MBP: variants seen among roughly 807,000 people sequenced by gnomAD.
MBP encodes the protein Golli-MBP.
Under a neutral mutation model 35.8 loss-of-function variants are expected in MBP, and 16 were observed. The observed-to-expected ratio is 0.45, with a 90% CI of 0.30 to 0.68. MBP has a LOEUF of 0.68. Ranked by LOEUF, MBP falls within the 30% of genes least tolerant of loss-of-function variation. MBP has a pLI of 0.08. For missense variants in MBP, 380 were observed against 404.7 expected, an observed-to-expected ratio of 0.94 and a Z score of 0.52; for synonymous variants, 143 against 159.6, an observed-to-expected ratio of 0.90 and a Z score of 0.78.
chr18:77,062,167 C>T (rs567291571), intron 3 of MBP, among the ~76,000 whole-genome samples: 6 of 152,334 alleles, frequency 3.9e-5, no homozygotes, highest in African/African-American at 1.2e-4. Flanking sequence ...TTGGCCACTC[C>T]TCTCCTCCCT....
At chr18:77,016,226 A>ATC in intron 4 of MBP, 2 of 985,152 alleles carry the variant, frequency 2.0e-6, no homozygotes, top group Non-Finnish European at 2.4e-6. Context: ...TCTGTATGCA[A>ATC]ATTAATGGAA....
intron 3 of MBP, among the ~76,000 whole-genome samples, chr18:77,055,100 G>A (rs141419124): frequency 5.6e-4 from 85 of 152,356 alleles, no homozygotes; most frequent in Middle Eastern, 3.4e-3. Flanking sequence ...CACGCACATC[G>A]TGGATGGAGA....
chr18:77,060,201 G>A (rs1309895667), intron 3 of MBP, among the ~76,000 whole-genome samples: 1 of 152,098 alleles, frequency 6.6e-6, no homozygotes, highest in Admixed American at 6.5e-5. Context: ...TCCACCTCCA[G>A]TATATGGCAC....
intron 3 of MBP, among the ~76,000 whole-genome samples, chr18:77,043,770 G>A (rs533957909): frequency 1.6e-3 from 242 of 152,266 alleles, no homozygotes; most frequent in Non-Finnish European, 3.0e-3. Flanking sequence ...CAGGGGAGCC[G>A]GAGTTGAGTG....
intron 1 of MBP, among the ~76,000 whole-genome samples, chr18:77,111,121 C>A (rs1357305034): frequency 6.6e-6 from 1 of 152,134 alleles, no homozygotes; most frequent in Non-Finnish European, 1.5e-5. Context: ...CAATGTTTGC[C>A]TGGGAGGAAA....
intron 4 of MBP, among the ~76,000 whole-genome samples, chr18:77,009,601 T>C (rs952221520): frequency 6.6e-5 from 10 of 152,234 alleles, no homozygotes; most frequent in African/African-American, 2.4e-4. Flanking sequence ...CCATACCCTT[T>C]GCAGAGGATT....
chr18:77,009,039 C>T (rs1276472939), intron 4 of MBP, among the ~76,000 whole-genome samples: 2 of 152,372 alleles, frequency 1.3e-5, no homozygotes, highest in Admixed American at 1.3e-4. Flanking sequence ...CAATCTTTTG[C>T]ACATTCCCAT....
rs1976044957 is a variant in MBP, at chr18:77,102,122, G to A, written c.51+3089C>T. 6.6e-6 allele frequency among the ~76,000 whole-genome samples: 1 copy of A among 152,126 alleles called. No individual in the cohort carries two copies. The highest frequency in any genetic ancestry group is 2.1e-4 in the South Asian group (1 of 4,828). ...ACAGCAGAGGAAAGAATCATCTAGTGTGGGTGGGGAGAGGTGGAGAAGGTG... is the reference window on the plus strand; with the variant it reads ...ACAGCAGAGGAAAGAATCATCTAGTATGGGTGGGGAGAGGTGGAGAAGGTG... On this transcript the variant is annotated intron_variant, in intron 2 of 8. Transcript: ENST00000355994. This position sits in a 1 kb window ranked among gnomAD's most constrained non-coding sequence, Gnocchi z 4.4.
rs56265384 is a variant in MBP at position 77,027,982 on chromosome 18, T to TTTTATTTATTTA, written c.140-10726_140-10715dup. Among the ~76,000 whole-genome samples, 1,124 of 145,432 alleles carry TTTTATTTATTTA rather than the reference T, an allele frequency of 7.7e-3. 16 individuals carry two copies. The highest frequency in any genetic ancestry group is 0.025 in the East Asian group (125 of 4,916). ...GGCATGAGCCACTGCCCCAGCTAAT[T>TTTTATTTATTTA]TTTATTTATTTATTTATTTATTTTT... On this transcript the variant is annotated intron_variant, in intron 3 of 8. Transcript: ENST00000355994.
chr18:77,031,727 G>A (rs1399335523), intron 3 of MBP, among the ~76,000 whole-genome samples: 6 of 152,262 alleles, frequency 3.9e-5, no homozygotes, highest in Non-Finnish European at 5.9e-5. Flanking sequence ...CTTGGCACGA[G>A]GAGGGCATTG....
chr18:77,015,258 T>TTC, intron 4 of MBP: 1 of 973,834 alleles, frequency 1.0e-6, no homozygotes, highest in Non-Finnish European at 1.2e-6. Context: ...CTGCACAGTT[T>TTC]AAGTACATTT....
intron 4 of MBP, among the ~76,000 whole-genome samples, chr18:76,993,550 C>CAAA (rs60296914): frequency 0.015 from 1,737 of 112,760 alleles, 36 homozygotes; most frequent in Non-Finnish European, 0.023. Flanking sequence ...ACTTTGTCTC[C>CAAA]AAAAAAAAAA....
rs1337832380 is a variant in MBP at position 76,984,810 on chromosome 18, C to T, written c.835G>A (p.Asp279Asn). 12 of 1,614,096 alleles carry T rather than the reference C, an allele frequency of 7.4e-6. No individual in the cohort carries two copies. Among genetic ancestry groups the T allele is most frequent in the Non-Finnish European group, 1.0e-5 (12 of 1,180,038 alleles). The change falls in exon 8 of 9, where the codon GAT becomes AAT. Residue 279 changes from aspartate to asparagine, a missense_variant. Physicochemically the swap from Asp to Asn is conservative, Grantham distance 23. Coordinates refer to ENST00000355994, the MANE Select transcript of MBP (RefSeq NM_001025101.2). The part of the protein sequence containing the change: ...KSAHKGFKGV[D>N]AQGTLSKIFK... The stretch of plus-strand genomic sequence containing the variant: ...ATTTTGGAAAGCGTGCCCTGGGCAT[C>T]GACTCCCTTGAATCCCTTGTGAGCC...
At chr18:77,001,337 G>A (rs1217960034) in intron 4 of MBP, among the ~76,000 whole-genome samples, 1 of 152,350 alleles carries the variant, frequency 6.6e-6, no homozygotes, top group African/African-American at 2.4e-5. Context: ...ATACACGGGT[G>A]TAGATACACC....
intron 1 of MBP, chr18:77,113,829 G>C (rs1196339840): frequency 6.6e-6 from 1 of 152,274 alleles, no homozygotes; most frequent in Non-Finnish European, 1.5e-5. Context: ...AAGTCTTCCA[G>C]ACTGTTGGGC....
At chr18:77,112,430 G>A (rs187910214) in intron 1 of MBP, among the ~76,000 whole-genome samples, 7 of 152,350 alleles carry the variant, frequency 4.6e-5, no homozygotes, top group Non-Finnish European at 8.8e-5. Flanking sequence ...CGCTGGGTGC[G>A]CCGGCTTTCC....
chr18:77,051,173 T>A (rs1479630837), intron 3 of MBP, among the ~76,000 whole-genome samples: 1 of 152,216 alleles, frequency 6.6e-6, no homozygotes, highest in South Asian at 2.1e-4. Context: ...GTGTAAATTT[T>A]ATTATTGTGG....
chr18:77,074,178 G>C (rs1027815411), intron 2 of MBP, among the ~76,000 whole-genome samples: 4 of 152,242 alleles, frequency 2.6e-5, no homozygotes, highest in African/African-American at 7.2e-5. Context: ...CCCACGTGGG[G>C]GCTTCAATTT....
rs527867787 is a variant in MBP, at chr18:77,071,351, ATCCCTTAAAAAATGCTGCATT to A, written c.52-4987_52-4967del. ...AAGAGTTGATTTTGAGAATTTTTCAATCCCTTAAAAAATGCTGCATTTCCCTTAAAAAATGCTGCATTAGGA... is the reference window on the plus strand; with the variant it reads ...AAGAGTTGATTTTGAGAATTTTTCAATCCCTTAAAAAATGCTGCATTAGGA... On this transcript the variant is annotated intron_variant, in intron 2 of 8. Transcript: ENST00000355994. Among the ~76,000 whole-genome samples, 179 of 152,264 alleles carry A rather than the reference ATCCCTTAAAAAATGCTGCATT, an allele frequency of 1.2e-3. 1 individual carries two copies. The highest frequency in any genetic ancestry group is 1.8e-4 in the Non-Finnish European group (12 of 68,004).
Sources: allele counts gnomAD v4.1 joint callset (sites outside exome capture counted in the v4.1 genomes callset), GRCh38; gene constraint gnomAD v4.1.1; non-coding constraint Gnocchi (gnomAD v3.1); transcripts MANE v1.5; gene names NCBI Gene and HGNC (gene_info 2026-07-23, HGNC 2026-07-21).